HSD11B1L: variants seen among roughly 807,000 people sequenced by gnomAD.
HSD11B1L encodes hydroxysteroid 11-beta dehydrogenase 1 like, also known as hydroxysteroid 11-beta-dehydrogenase 1-like protein.
A neutral mutation model predicts 27.0 loss-of-function variants in HSD11B1L; 22 were observed. The ratio of observed to expected loss-of-function variants is 0.81; its 90% CI spans 0.58 to 1.16. HSD11B1L has a LOEUF of 1.16. Among genes scored for constraint, HSD11B1L ranks in the 50% most tolerant of loss-of-function variants. The pLI, the probability that HSD11B1L is intolerant of heterozygous loss-of-function variation, is 0.00. For missense variants in HSD11B1L, 372 were observed against 401.8 expected (o/e 0.93, Z 0.63); for synonymous variants, 187 against 189.2 (o/e 0.99, Z 0.09).
intron 1 of HSD11B1L, among the ~76,000 whole-genome samples, chr19:5,681,516 T>C (rs1482285756): frequency 1.3e-5 from 2 of 151,822 alleles, no homozygotes; most frequent in Non-Finnish European, 2.9e-5. Context: ...CTTCCGTTCA[T>C]CCATCTGTCC....
Position 5,688,338 on chromosome 19 carries a change from G to C in HSD11B1L, c.*393G>C. On this transcript the variant is annotated 3_prime_UTR_variant, in exon 8 of 8. Transcript: ENST00000339423. Reference sequence around the variant, plus strand: ...TATTCTTTCCATTCATTCCATCTGGGAGGAACCCCCCCAACTCCTGCCAGC... The same window carrying C: ...TATTCTTTCCATTCATTCCATCTGGCAGGAACCCCCCCAACTCCTGCCAGC... 1 of 763,764 alleles carries C rather than the reference G, an allele frequency of 1.3e-6. No homozygotes were observed. Among genetic ancestry groups the C allele is most frequent in the Non-Finnish European group, 2.1e-6 (1 of 485,296 alleles). 47.3% of individuals were successfully genotyped at this position (763,764 alleles called of 1,614,324 possible).
chr19:5,687,010 G>A lies in HSD11B1L; in HGVS notation c.408+19G>A, dbSNP rs1304030707. 6.6e-7 allele frequency: 1 copy of A among 1,523,378 alleles called. No homozygotes were observed. The highest frequency in any genetic ancestry group is 2.5e-5 in the East Asian group (1 of 40,684). 94.4% of individuals were successfully genotyped at this position (1,523,378 alleles called of 1,614,324 possible). A position where few individuals can be genotyped will look rare whatever the true frequency, so the allele number is the denominator to read the frequency against. On this transcript the variant is annotated intron_variant, in intron 5 of 7. Coordinates refer to ENST00000339423, the MANE Select transcript of HSD11B1L (RefSeq NM_198706.3). This position sits in a 1 kb window ranked among gnomAD's most constrained non-coding sequence, Gnocchi z 6.6. ...CATGCAGGTGCTCCGCTCCTCCGCG[G>A]CCCCGGCCCGCCCCTCTATCTCAGG... is the stretch of plus-strand genomic sequence containing the variant.
rs777006347 is a variant in HSD11B1L at position 5,687,362 on chromosome 19, G to T, written c.489G>T (p.Val163=). 1 of 1,612,352 alleles carries T rather than the reference G, an allele frequency of 6.2e-7. No homozygotes were observed. The highest frequency in any genetic ancestry group is 1.1e-5 in the South Asian group (1 of 91,048). Residue 163 remains valine (V), a synonymous_variant, in exon 6 of 8, where the codon GTG becomes GTT. Coordinates refer to ENST00000339423, the MANE Select transcript of HSD11B1L (RefSeq NM_198706.3). This position sits in a 1 kb window ranked among gnomAD's most constrained non-coding sequence, Gnocchi z 6.6. ...LTDSKGSLVV[V]SSLLGRVPTS... ...ACAGCAAGGGCTCCCTGGTGGTGGT[G>T]TCCTCGCTGCTCGGTGCGTGCACCC...
chr19:5,686,554 G>A (rs1393226159), intron 4 of HSD11B1L, 27 bp downstream of exon 4: 2 of 1,527,672 alleles, frequency 1.3e-6, no homozygotes, highest in East Asian at 2.4e-5. Context: ...GAAGCCTGGA[G>A]TCCGGGACCG....
At position 5,685,397 on chromosome 19, in the gene HSD11B1L, GA is replaced by G. The variant is rs754551266; in HGVS notation, c.204+281del. ...TCAAGACCAGCCTGGCCAACATGGC[GA>G]AACCTGGTCTCTACTAAGAAGACAA... On this transcript the variant is annotated intron_variant, in intron 3 of 7. Coordinates refer to ENST00000339423, the MANE Select transcript of HSD11B1L (RefSeq NM_198706.3). The surrounding 1 kb of genome is among the most constrained non-coding windows in gnomAD (Gnocchi z 4.3). 5.4e-6 allele frequency: 3 copies of G among 559,440 alleles called. No homozygotes were observed. The highest frequency in any genetic ancestry group is 6.7e-6 in the Non-Finnish European group (2 of 297,348). The allele number at this position is 559,440 out of a possible 1,614,324, so 34.7% of individuals were successfully genotyped here.
intron 4 of HSD11B1L, 86 bp downstream of exon 4, chr19:5,686,613 A>G: frequency 1.9e-6 from 2 of 1,063,544 alleles, no homozygotes; most frequent in Non-Finnish European, 2.7e-6. Context: ...GGGTGTGGCC[A>G]CAGTAACAGG....
In HSD11B1L at chr19:5,688,148, C is replaced by A; in HGVS notation, c.*203C>A. On this transcript the variant is annotated 3_prime_UTR_variant, in exon 8 of 8. Transcript: ENST00000339423. ...GGAGGTGCAGGTGCCCCGTGTTAGG[C>A]GCCTTTGTCGGGGACTTGCAAGGCC... 6.4e-7 allele frequency: 1 copy of A among 1,551,002 alleles called. No individual in the cohort carries two copies.
In HSD11B1L at chr19:5,687,050, TCCCTTCGC is replaced by T; in HGVS notation, c.408+60_408+67del. 1 of 1,411,998 alleles carries T rather than the reference TCCCTTCGC, an allele frequency of 7.1e-7. No homozygotes were observed. Among genetic ancestry groups the T allele is most frequent in the Non-Finnish European group, 9.7e-7 (1 of 1,035,754 alleles). The allele number at this position is 1,411,998 out of a possible 1,614,324, so 87.5% of individuals were successfully genotyped here. The stretch of plus-strand genomic sequence containing the variant: ...TCTATCTCAGGGACCGGTGGTCCGT[TCCCTTCGC>T]GGTCCGGGTTCTGCCTTCTCCAGGG... On this transcript the variant is annotated intron_variant, in intron 5 of 7. Transcript: ENST00000339423. This position sits in a 1 kb window ranked among gnomAD's most constrained non-coding sequence, Gnocchi z 6.6.
chr19:5,685,384 T>C lies in HSD11B1L; in HGVS notation c.204+265T>C, dbSNP rs527623634. ...TGAGGTCAGGAGTTCAAGACCAGCCTGGCCAACATGGCGAAACCTGGTCTC... is the reference window on the plus strand; with the variant it reads ...TGAGGTCAGGAGTTCAAGACCAGCCCGGCCAACATGGCGAAACCTGGTCTC... On this transcript the variant is annotated intron_variant, in intron 3 of 7. Coordinates refer to ENST00000339423, the MANE Select transcript of HSD11B1L (RefSeq NM_198706.3). The surrounding 1 kb of genome is among the most constrained non-coding windows in gnomAD (Gnocchi z 4.3). The C allele has an allele frequency of 2.3e-4, 132 of 583,678 alleles. No homozygotes were observed. In the African/African-American group the frequency reaches 2.3e-3, roughly 10 times the overall value. 36.2% of individuals were successfully genotyped at this position (583,678 alleles called of 1,614,324 possible).
intron 1 of HSD11B1L, among the ~76,000 whole-genome samples, chr19:5,682,328 C>A (rs1020191115): frequency 6.6e-6 from 1 of 151,812 alleles, no homozygotes; most frequent in African/African-American, 2.4e-5. Flanking sequence ...GTGGGGGAGA[C>A]CAAATCGGAG....
chr19:5,686,711 C>T (rs766010131), intron 4 of HSD11B1L, among the ~76,000 whole-genome samples, 184 bp downstream of exon 4: 3 of 152,186 alleles, frequency 2.0e-5, no homozygotes, highest in Admixed American at 1.3e-4. Context: ...AACGGGGCCT[C>T]GTTGAATGGG....
intron 1 of HSD11B1L, among the ~76,000 whole-genome samples, chr19:5,682,753 C>T (rs763827667): frequency 5.9e-5 from 9 of 151,570 alleles, no homozygotes; most frequent in Non-Finnish European, 1.0e-4. Flanking sequence ...TGATCCGCTC[C>T]ATCTGGTCTG....
At chr19:5,681,823 C>G (rs1038441523) in intron 1 of HSD11B1L, among the ~76,000 whole-genome samples, 2 of 152,252 alleles carry the variant, frequency 1.3e-5, no homozygotes, top group Non-Finnish European at 2.9e-5. Flanking sequence ...ATCCATCCTT[C>G]TATCTATGCA....
chr19:5,686,654 G>T, intron 4 of HSD11B1L, 127 bp downstream of exon 4: 1 of 766,584 alleles, frequency 1.3e-6, no homozygotes, highest in Non-Finnish European at 2.1e-6. Context: ...TGGGGACTGG[G>T]GGCGTGGGCG....
In HSD11B1L at chr19:5,685,350, T is replaced by G; in HGVS notation, c.204+231T>G. On this transcript the variant is annotated intron_variant, in intron 3 of 7. Transcript: ENST00000339423. This position sits in a 1 kb window ranked among gnomAD's most constrained non-coding sequence, Gnocchi z 4.3. ...CAGCACTTTGGGAGGCCGAGGAAAG[T>G]GGATCACCTGAGGTCAGGAGTTCAA... The G allele has an allele frequency of 1.5e-6, 1 of 666,896 alleles. No homozygotes were observed. The highest frequency in any genetic ancestry group is 2.7e-6 in the Non-Finnish European group (1 of 366,730). 41.3% of individuals were successfully genotyped at this position (666,896 alleles called of 1,614,324 possible). A position where few individuals can be genotyped will look rare whatever the true frequency, so the allele number is the denominator to read the frequency against.
chr19:5,686,634 C>A, intron 4 of HSD11B1L, 107 bp downstream of exon 4: 2 of 885,938 alleles, frequency 2.3e-6, no homozygotes, highest in Non-Finnish European at 1.7e-6. Flanking sequence ...TGTCTCAGGG[C>A]GGAGACAAAT....
chr19:5,686,461 A>G lies in HSD11B1L; in HGVS notation c.250A>G (p.Ile84Val). The G allele has an allele frequency of 6.3e-7, 1 of 1,588,178 alleles. No individual in the cohort carries two copies. The highest frequency in any genetic ancestry group is 8.6e-7 in the Non-Finnish European group (1 of 1,169,212). ...RKLGAPKVFY[I>V]AADMASPEAP... ...GCTGGGCGCCCCCAAGGTCTTCTAC[A>G]TCGCGGCGGACATGGCCTCCCCTGA... The change falls in exon 4 of 8, where the codon ATC (isoleucine) becomes GTC (valine). Residue 84 changes from isoleucine (I) to valine (V), a missense_variant. Ile to Val is a conservative substitution (Grantham distance 29). Coordinates refer to ENST00000339423, the MANE Select transcript of HSD11B1L (RefSeq NM_198706.3).
At chr19:5,683,884 A>G (rs576080985) in intron 1 of HSD11B1L, 37 of 240,846 alleles carry the variant, frequency 1.5e-4, no homozygotes, top group African/African-American at 7.3e-4. Flanking sequence ...ACAGAGTGAG[A>G]CTCTGCCTCA....
chr19:5,684,651 G>A (rs1034316543), intron 1 of HSD11B1L, 168 bp from the exon 2 acceptor site: 41 of 988,634 alleles, frequency 4.1e-5, no homozygotes, highest in Non-Finnish European at 5.7e-5. Context: ...GTGGTTCATG[G>A]AGCCGCGGTG....
Sources: gnomAD v4.1 joint callset for allele counts (sites outside exome capture counted in the v4.1 genomes callset) on GRCh38, gnomAD v4.1.1 for gene constraint, Gnocchi (gnomAD v3.1) non-coding constraint, MANE v1.5 for transcripts, NCBI Gene and HGNC (gene_info 2026-07-23, HGNC 2026-07-21) for gene names.